Variants in ZBTB7C observed in about 807,000 individuals in gnomAD.
ZBTB7C encodes zinc finger and BTB domain-containing protein 7C.
ZBTB7C carries 8 observed loss-of-function variants against 25.7 expected under a neutral mutation model. That is an observed-to-expected ratio of 0.31 (90% CI 0.18 to 0.56). The LOEUF (loss-of-function observed/expected upper bound fraction) is 0.56. ZBTB7C is among the 20% of genes least tolerant of loss of function. ZBTB7C has a pLI of 0.91. For synonymous variants in ZBTB7C, 394 were observed against 369.0 expected (o/e 1.07, Z -0.78); for missense variants, 824 against 855.2 (o/e 0.96, Z 0.46).
Position 48,118,653 on chromosome 18 carries a change from A to G in ZBTB7C, c.-17+67281T>C, listed in dbSNP as rs1192782583. Among the ~76,000 whole-genome samples the G allele has an allele frequency of 2.0e-5, 3 of 152,212 alleles. No homozygotes were observed. The East Asian group carries it at 5.8e-4, about 29-fold the overall frequency. ...TAGGGGAAATAGAAAATTACCCAAT[A>G]TATAGCTAATGTGGTACATTAGCGT... On this transcript the variant is annotated intron_variant, in intron 3 of 4. Coordinates refer to ENST00000590800, the MANE Select transcript of ZBTB7C (RefSeq NM_001318841.2).
At chr18:48,239,306 G>A (rs2043462461) in intron 2 of ZBTB7C, among the ~76,000 whole-genome samples, 3 of 152,090 alleles carry the variant, frequency 2.0e-5, no homozygotes, top group South Asian at 2.1e-4. Context: ...TAAGAAACCC[G>A]AATACTTATC....
chr18:48,312,584 C>G (rs1226181661), intron 2 of ZBTB7C, among the ~76,000 whole-genome samples: 2 of 152,218 alleles, frequency 1.3e-5, no homozygotes, highest in Non-Finnish European at 2.9e-5. Context: ...GGACCTTGGA[C>G]AAGCTACTTA....
chr18:48,061,214 AG>A (rs2037114498), intron 3 of ZBTB7C, among the ~76,000 whole-genome samples: 1 of 152,222 alleles, frequency 6.6e-6, no homozygotes, highest in Admixed American at 6.5e-5. Context: ...AACAGAGAAA[AG>A]GGTCATGAGG....
rs1277306038 is a variant in ZBTB7C at position 48,040,240 on chromosome 18, T to G, written c.868A>C (p.Lys290Gln). 12 of 1,564,834 alleles carry G rather than the reference T, an allele frequency of 7.7e-6. No individual in the cohort carries two copies. The highest frequency in any genetic ancestry group is 1.0e-5 in the Non-Finnish European group (12 of 1,158,418). ...LDLVIKNRKI[K>Q]EEEKEELPPP... ...GGCAGCTCCTCCTTCTCCTCCTCCT[T>G]GATCTTCCGATTCTTGATGACCAGA... The change falls in exon 4 of 5, where the codon AAG (lysine) becomes CAG (glutamine). Residue 290 changes from lysine to glutamine, a missense_variant. By Grantham distance (53) the Lys-to-Gln change is moderately conservative (BLOSUM62 1). This residue lies in a region of ZBTB7C where 316 missense variants were observed against 299.2 expected (regional missense o/e 1.06). Coordinates refer to ENST00000590800, the MANE Select transcript of ZBTB7C (RefSeq NM_001318841.2).
At chr18:48,063,504 A>G (rs2037202994) in intron 3 of ZBTB7C, among the ~76,000 whole-genome samples, 1 of 152,260 alleles carries the variant, frequency 6.6e-6, no homozygotes, top group South Asian at 2.1e-4. Context: ...AGAACTGGGA[A>G]GAAAGGCAGG....
At chr18:48,221,287 C>T (rs1229586331) in intron 2 of ZBTB7C, among the ~76,000 whole-genome samples, 1 of 151,542 alleles carries the variant, frequency 6.6e-6, no homozygotes. Flanking sequence ...GTCCTTGTCT[C>T]CTCTATACTG....
At chr18:48,411,105 G>T (rs1323495265), upstream of ZBTB7C, among the ~76,000 whole-genome samples, 7 of 152,130 alleles carry the variant, frequency 4.6e-5, no homozygotes, top group Admixed American at 4.6e-4. Flanking sequence ...AAGATAGTAC[G>T]TTGGGAGTAG....
intron 3 of ZBTB7C, among the ~76,000 whole-genome samples, chr18:48,111,961 T>C (rs370450052): frequency 6.6e-6 from 1 of 152,168 alleles, no homozygotes; most frequent in Non-Finnish European, 1.5e-5. Context: ...GTTTGTTAAA[T>C]AATATTAATC....
intron 1 of ZBTB7C, among the ~76,000 whole-genome samples, chr18:48,370,449 A>G (rs1287630084): frequency 6.6e-6 from 1 of 152,142 alleles, no homozygotes; most frequent in African/African-American, 2.4e-5. Context: ...TTAGCTACAA[A>G]ATGGCAACAG....
intron 2 of ZBTB7C, among the ~76,000 whole-genome samples, chr18:48,251,792 C>T (rs1465246893): frequency 6.6e-6 from 1 of 152,226 alleles, no homozygotes; most frequent in Non-Finnish European, 1.5e-5. Flanking sequence ...GAATCAGACA[C>T]CACCTCCTCA....
intron 3 of ZBTB7C, among the ~76,000 whole-genome samples, chr18:48,070,429 T>C (rs1374050588): frequency 6.6e-6 from 1 of 152,164 alleles, no homozygotes; most frequent in Non-Finnish European, 1.5e-5. Flanking sequence ...GGTGCTATCT[T>C]GCTGGTCCAG....
intron 2 of ZBTB7C, among the ~76,000 whole-genome samples, chr18:48,241,749 A>G (rs1027325482): frequency 1.3e-5 from 2 of 152,228 alleles, no homozygotes; most frequent in African/African-American, 4.8e-5. Context: ...CTACGTCAAA[A>G]AGTCTGAAAG....
chr18:48,029,766 A>G lies in ZBTB7C; in HGVS notation c.1354T>C (p.Phe452Leu), dbSNP rs762256150. The change falls in exon 5 of 5, where the codon TTC becomes CTC. Residue 452 changes from phenylalanine (F) to leucine (L), a missense_variant. Physicochemically the swap from Phe to Leu is conservative, Grantham distance 22. Around this residue, in one of 4 missense-constraint regions of ZBTB7C, gnomAD observed 342 missense variants for 307.0 expected, o/e 1.11. Coordinates refer to ENST00000590800, the MANE Select transcript of ZBTB7C (RefSeq NM_001318841.2). ...HTGVRPYQCE[F>L]CYKSFTRSDH... ...GAGCGCGTGAAGCTCTTGTAGCAGA[A>G]CTCGCACTGGTAGGGCCGCACGCCC... 41 of 1,608,468 alleles carry G rather than the reference A, an allele frequency of 2.5e-5. No individual in the cohort carries two copies. Among genetic ancestry groups the G allele is most frequent in the South Asian group, 1.1e-5 (1 of 91,090 alleles).
intron 2 of ZBTB7C, among the ~76,000 whole-genome samples, chr18:48,249,183 A>G (rs1284856456): frequency 6.6e-6 from 1 of 152,200 alleles, no homozygotes; most frequent in Non-Finnish European, 1.5e-5. Flanking sequence ...ATTAAATAAT[A>G]TTTTTGCAAA....
chr18:48,157,085 G>A (rs1359240148), intron 3 of ZBTB7C, among the ~76,000 whole-genome samples: 1 of 152,204 alleles, frequency 6.6e-6, no homozygotes, highest in African/African-American at 2.4e-5. Flanking sequence ...GGAGAGGGTA[G>A]AGCCACCAAC....
intron 3 of ZBTB7C, among the ~76,000 whole-genome samples, chr18:48,141,565 G>A (rs557898929): frequency 9.2e-5 from 14 of 151,514 alleles, no homozygotes; most frequent in South Asian, 8.3e-4. Context: ...TGAACTGGGC[G>A]GGGGGGAAAG....
chr18:48,113,904 C>G (rs564391801), intron 3 of ZBTB7C, among the ~76,000 whole-genome samples: 1 of 152,174 alleles, frequency 6.6e-6, no homozygotes, highest in Admixed American at 6.5e-5. Flanking sequence ...AGCCTGGGGC[C>G]GGCTGTAAAA....
At chr18:48,193,893 G>A (rs2042258026) in intron 2 of ZBTB7C, among the ~76,000 whole-genome samples, 1 of 152,242 alleles carries the variant, frequency 6.6e-6, no homozygotes, top group African/African-American at 2.4e-5. Flanking sequence ...TCTACTCCCT[G>A]CCACCTAGCC....
chr18:48,255,813 G>A (rs540636685), intron 2 of ZBTB7C, among the ~76,000 whole-genome samples: 1 of 152,250 alleles, frequency 6.6e-6, no homozygotes, highest in Admixed American at 6.5e-5. Context: ...CAGATGTGTT[G>A]TAATTTTGTC....
Sources: gnomAD v4.1 joint callset for allele counts (sites outside exome capture counted in the v4.1 genomes callset) on GRCh38, gnomAD v4.1.1 for gene constraint, gnomAD v4.1.1 regional missense constraint, MANE v1.5 for transcripts, NCBI Gene and HGNC (gene_info 2026-07-23, HGNC 2026-07-21) for gene names.